FSIP2: variants seen among roughly 807,000 people sequenced by gnomAD.
FSIP2 encodes the protein fibrous sheath-interacting protein 2.
In FSIP2, 367 loss-of-function variants were observed where a neutral mutation model predicts 510.5. The observed-to-expected ratio is 0.72, with a 90% CI of 0.66 to 0.78. The LOEUF (loss-of-function observed/expected upper bound fraction) is 0.78. Among genes scored for constraint, FSIP2 ranks in the 30% least tolerant of loss-of-function variants. The pLI is 0.00. For synonymous variants in FSIP2, 2,601 were observed against 2,732.2 expected (o/e 0.95, Z 1.50); for missense variants, 7,594 against 7,901.7 (o/e 0.96, Z 1.48).
intron 11 of FSIP2, among the ~76,000 whole-genome samples, 170 bp downstream of exon 11, chr2:185,762,187 G>C (rs1349712866): frequency 6.6e-6 from 1 of 151,128 alleles, no homozygotes; most frequent in Non-Finnish European, 1.5e-5. Flanking sequence ...CCATATATTT[G>C]AGTGATTGCT....
Position 185,797,524 on chromosome 2 carries a change from C to A in FSIP2, c.10388C>A (p.Thr3463Lys). 6.7e-7 allele frequency: 1 copy of A among 1,494,058 alleles called. No individual in the cohort carries two copies. The highest frequency in any genetic ancestry group is 8.8e-7 in the Non-Finnish European group (1 of 1,133,482). 92.6% of individuals were successfully genotyped at this position (1,494,058 alleles called of 1,614,324 possible). A position where few individuals can be genotyped will look rare whatever the true frequency, so the allele number is the denominator to read the frequency against. The change falls in exon 16 of 23, where the codon ACA becomes AAA. Residue 3463 changes from threonine (T) to lysine (K), a missense_variant and splice_region_variant. Transcript: ENST00000424728. ...ACATATTTGAAGAACTTTGAAACTA[C>A]AGGTAAGCAAGAGAGAACGTACCTA... is the stretch of plus-strand genomic sequence containing the variant. ...VVTYLKNFET[T>K]VFSEEKMSVS...
intron 9 of FSIP2, among the ~76,000 whole-genome samples, chr2:185,758,866 G>A (rs142215262): frequency 8.6e-4 from 130 of 151,138 alleles, no homozygotes; most frequent in African/African-American, 2.8e-3. Context: ...CATTTTTGTG[G>A]CTTTATAATA....
At position 185,808,252 on chromosome 2, in the gene FSIP2, G is replaced by T. The variant is rs1392129403; in HGVS notation, c.18946G>T (p.Val6316Phe). The T allele has an allele frequency of 6.2e-7, 1 of 1,601,544 alleles. No homozygotes were observed. Among genetic ancestry groups the T allele is most frequent in the Non-Finnish European group, 8.5e-7 (1 of 1,175,816 alleles). The change falls in exon 17 of 23, where the codon GTC becomes TTC. Residue 6316 changes from valine to phenylalanine, a missense_variant. By Grantham distance (50) the Val-to-Phe change is conservative. Coordinates refer to ENST00000424728, the MANE Select transcript of FSIP2 (RefSeq NM_173651.4). The part of the protein sequence containing the change: ...VSNSELVLEA[V>F]KIMEKVIKII... ...AAATTCAGAATTAGTTCTGGAAGCT[G>T]TCAAAATTATGGAAAAAGTGATCAA...
At chr2:185,831,511 T>A (rs1057367703) in intron 21 of FSIP2, among the ~76,000 whole-genome samples, 4 of 151,918 alleles carry the variant, frequency 2.6e-5, no homozygotes, top group African/African-American at 7.2e-5. Flanking sequence ...AGTCAAAGGA[T>A]AGAGGGGGCA....
Position 185,805,519 on chromosome 2 carries a change from ACCTTCT to A in FSIP2, c.16214_16219del (p.Thr5405_Phe5407delinsIle). 6.2e-7 allele frequency: 1 copy of A among 1,611,530 alleles called. No homozygotes were observed. The highest frequency in any genetic ancestry group is 1.7e-4 in the Middle Eastern group (1 of 6,046). On this transcript the variant is annotated inframe_deletion, in exon 17 of 23. Coordinates refer to ENST00000424728, the MANE Select transcript of FSIP2 (RefSeq NM_173651.4). ...ACTTTTTTCAGGAGACTGGTCTTCC[ACCTTCT>A]TTTCATTTCTAAATCCAGATAATAT...
At position 185,794,024 on chromosome 2, in the gene FSIP2, C is replaced by T. The variant is rs915264101; in HGVS notation, c.6888C>T (p.Asp2296=). ...AATTGGAAAATTGTAAACAAAATGA[C>T]AGCATCTTTTATGATTCAAGCCAAG... ...IPELENCKQN[D]SIFYDSSQVE... The change falls in exon 16 of 23, where the codon GAC becomes GAT. Residue 2296 remains aspartate, a synonymous_variant. Transcript: ENST00000424728. 3.9e-6 allele frequency: 6 copies of T among 1,533,636 alleles called. No individual in the cohort carries two copies. The Admixed American group carries it at 5.9e-5, about 15-fold the overall frequency.
Position 185,807,583 on chromosome 2 carries a change from T to C in FSIP2, c.18277T>C (p.Leu6093=). ...LVVQSVYNNL[L]PQFGSQEIIQ... ...GGTTCAGTCTGTTTATAATAATCTCTTGCCACAGTTTGGATCACAAGAGAT... is the reference window on the plus strand; with the variant it reads ...GGTTCAGTCTGTTTATAATAATCTCCTGCCACAGTTTGGATCACAAGAGAT... The change falls in exon 17 of 23, where the codon TTG becomes CTG. Residue 6093 remains leucine, a synonymous_variant. Transcript: ENST00000424728. 6.2e-7 allele frequency: 1 copy of C among 1,612,432 alleles called. No homozygotes were observed. Among genetic ancestry groups the C allele is most frequent in the Non-Finnish European group, 8.5e-7 (1 of 1,179,178 alleles).
chr2:185,743,330 A>C, intron 3 of FSIP2, 36 bp downstream of exon 3: 1 of 1,367,064 alleles, frequency 7.3e-7, no homozygotes, highest in Non-Finnish European at 9.6e-7. Context: ...TAATCAATGA[A>C]ACCCTTTAAA....
intron 11 of FSIP2, 89 bp downstream of exon 11, chr2:185,762,106 A>C: frequency 1.6e-6 from 1 of 612,706 alleles, no homozygotes; most frequent in Non-Finnish European, 2.8e-6. Flanking sequence ...TTATCTGATT[A>C]TAAAAATATG....
intron 13 of FSIP2, among the ~76,000 whole-genome samples, chr2:185,781,525 T>C (rs926199882): frequency 1.3e-5 from 2 of 152,080 alleles, no homozygotes; most frequent in Non-Finnish European, 2.9e-5. Flanking sequence ...CTCCATCTTT[T>C]GGGGGGGCCC....
intron 14 of FSIP2, among the ~76,000 whole-genome samples, chr2:185,784,845 G>T (rs954915636): frequency 6.6e-6 from 1 of 151,758 alleles, no homozygotes; most frequent in Non-Finnish European, 1.5e-5. Flanking sequence ...TTTTTCTTTC[G>T]CCAGTTTACT....
intron 7 of FSIP2, among the ~76,000 whole-genome samples, chr2:185,752,952 C>T (rs1051851848): frequency 1.3e-5 from 2 of 151,188 alleles, no homozygotes; most frequent in Non-Finnish European, 3.0e-5. Flanking sequence ...TATTTGGAAA[C>T]AATTTGATTG....
chr2:185,748,188 T>C (rs888546023), intron 7 of FSIP2, among the ~76,000 whole-genome samples: 2 of 152,100 alleles, frequency 1.3e-5, no homozygotes, highest in African/African-American at 4.8e-5. Flanking sequence ...GTTTGTTACC[T>C]GTACCTTTCA....
At chr2:185,786,118 G>T in intron 14 of FSIP2, 134 bp from the exon 15 acceptor site, 1 of 620,818 alleles carries the variant, frequency 1.6e-6, no homozygotes, top group Non-Finnish European at 2.8e-6. Context: ...AAAAAACAGT[G>T]TATTCTTCAT....
Position 185,793,744 on chromosome 2 carries a change from AG to A in FSIP2, c.6612del (p.Ser2205GlnfsTer26). 1 of 1,534,054 alleles carries A rather than the reference AG, an allele frequency of 6.5e-7. No homozygotes were observed. Among genetic ancestry groups the A allele is most frequent in the Non-Finnish European group, 8.7e-7 (1 of 1,145,626 alleles). On this transcript the variant is annotated frameshift_variant, in exon 16 of 23. Coordinates refer to ENST00000424728, the MANE Select transcript of FSIP2 (RefSeq NM_173651.4). LOFTEE classifies it high-confidence loss of function. ...FPKIDCQQPL[K>X]GSKTERKTER... Reference sequence around the variant, plus strand: ...AAAATAGACTGTCAACAGCCTCTTAAGGGGTCAAAAACTGAAAGAAAAACAG... The same window carrying A: ...AAAATAGACTGTCAACAGCCTCTTAAGGGTCAAAAACTGAAAGAAAAACAG...
In FSIP2 at chr2:185,794,255, G is replaced by C; in HGVS notation, c.7119G>C (p.Lys2373Asn). The change falls in exon 16 of 23, where the codon AAG (lysine) becomes AAC (asparagine). Residue 2373 changes from lysine to asparagine, a missense_variant. Physicochemically the swap from Lys to Asn is moderately conservative, Grantham distance 94 (BLOSUM62 0). Coordinates refer to ENST00000424728, the MANE Select transcript of FSIP2 (RefSeq NM_173651.4). ...IKNDLDLEIQ[K>N]IYPYQNNILF... ...ATGACTTAGACTTAGAAATTCAAAAGATATATCCATATCAAAACAATATTT... is the reference window on the plus strand; with the variant it reads ...ATGACTTAGACTTAGAAATTCAAAACATATATCCATATCAAAACAATATTT... The C allele has an allele frequency of 2.0e-6, 3 of 1,532,438 alleles. No individual in the cohort carries two copies. Among genetic ancestry groups the C allele is most frequent in the Non-Finnish European group, 8.7e-7 (1 of 1,144,914 alleles). 94.9% of individuals were successfully genotyped at this position (1,532,438 alleles called of 1,614,324 possible).
chr2:185,798,692 A>G (rs1415053329), intron 16 of FSIP2, among the ~76,000 whole-genome samples: 2 of 151,760 alleles, frequency 1.3e-5, no homozygotes, highest in Non-Finnish European at 2.9e-5. Flanking sequence ...ACAACTACAA[A>G]CTCTTAAATA....
intron 19 of FSIP2, among the ~76,000 whole-genome samples, chr2:185,819,524 CAA>C (rs893926532): frequency 6.6e-6 from 1 of 151,444 alleles, no homozygotes; most frequent in African/African-American, 2.4e-5. Context: ...AAACAGAAAC[CAA>C]AAGAGAGGGG....
Position 185,745,529 on chromosome 2 carries a change from C to G in FSIP2, c.578C>G (p.Thr193Ser). The G allele has an allele frequency of 2.6e-6, 4 of 1,535,688 alleles. No individual in the cohort carries two copies. Among genetic ancestry groups the G allele is most frequent in the Non-Finnish European group, 3.5e-6 (4 of 1,146,556 alleles). ...CAAAACTGGTTGTTAAAGGAGGGCA[C>G]TGAATCTATTAAGGACCAGGAGCGG... The part of the protein sequence containing the change: ...QVQNWLLKEG[T>S]ESIKDQERLM... The change falls in exon 5 of 23, where the codon ACT (threonine) becomes AGT (serine). Residue 193 changes from threonine (T) to serine (S), a missense_variant. Physicochemically the swap from Thr to Ser is moderately conservative, Grantham distance 58. Coordinates refer to ENST00000424728, the MANE Select transcript of FSIP2 (RefSeq NM_173651.4).
Sources: allele counts gnomAD v4.1 joint callset (sites outside exome capture counted in the v4.1 genomes callset), GRCh38; gene constraint gnomAD v4.1.1; transcripts MANE v1.5; gene names NCBI Gene and HGNC (gene_info 2026-07-23, HGNC 2026-07-21).